Variants in LRGUK observed in about 807,000 individuals in gnomAD.
LRGUK encodes leucine rich repeats and guanylate kinase domain containing.
A neutral mutation model predicts 76.0 loss-of-function variants in LRGUK; 65 were observed. The ratio of observed to expected loss-of-function variants is 0.85; its 90% CI spans 0.70 to 1.05. The LOEUF (loss-of-function observed/expected upper bound fraction) is 1.05, where lower values mean the gene tolerates loss of function less well. Among genes scored for constraint, LRGUK ranks in the 50% least tolerant of loss-of-function variants. The pLI is 0.00. For missense variants in LRGUK, 758 were observed against 732.8 expected, an observed-to-expected ratio of 1.03 and a Z score of -0.40; for synonymous variants, 268 against 265.6, an observed-to-expected ratio of 1.01 and a Z score of -0.09.
intron 16 of LRGUK, among the ~76,000 whole-genome samples, chr7:134,230,040 A>T (rs1014415277): frequency 6.6e-6 from 1 of 152,194 alleles, no homozygotes; most frequent in African/African-American, 2.4e-5. Context: ...ATATTACAGT[A>T]CATTAAAACT....
At chr7:134,210,052 C>T (rs1362802282) in exon 16 of LRGUK, 3 of 399,600 alleles carry the variant, frequency 7.5e-6, no homozygotes, top group Admixed American at 4.4e-5. Context: ...CACCCCACAA[C>T]CAGGGGCCAC....
At chr7:134,259,155 C>T (rs1431920465) in intron 19 of LRGUK, among the ~76,000 whole-genome samples, 1 of 152,156 alleles carries the variant, frequency 6.6e-6, no homozygotes, top group Non-Finnish European at 1.5e-5. Flanking sequence ...CCCGCTTCAC[C>T]TCCTTTTTGC....
chr7:134,224,651 G>C (rs1801688831), intron 16 of LRGUK, among the ~76,000 whole-genome samples: 1 of 151,860 alleles, frequency 6.6e-6, no homozygotes, highest in Non-Finnish European at 1.5e-5. Flanking sequence ...CATGACACAA[G>C]TTCACCTAAC....
chr7:134,264,237 A>G, exon 20 of LRGUK: 1 of 325,944 alleles, frequency 3.1e-6, no homozygotes, highest in South Asian at 1.5e-4. Context: ...AGCTTTTAAA[A>G]ATGTCATTTC....
In LRGUK at chr7:134,201,549, C is replaced by G. The variant is rs763123696; in HGVS notation, c.1816C>G (p.Pro606Ala). 1.9e-6 allele frequency: 3 copies of G among 1,613,784 alleles called. No homozygotes were observed. In the South Asian group the frequency reaches 3.3e-5, roughly 18 times the overall value. The stretch of plus-strand genomic sequence containing the variant: ...AGAATACCTTGGATTGACTGAGGAA[C>G]CTGCCAAGAGTTTGGCTACAACTGC... The change falls in exon 15 of 16, where the codon CCT (proline) becomes GCT (alanine). Residue 606 changes from proline (P) to alanine (A), a missense_variant. Transcript: ENST00000645682.
intron 4 of LRGUK, among the ~76,000 whole-genome samples, chr7:134,146,826 T>C (rs1797989175): frequency 6.6e-6 from 1 of 152,194 alleles, no homozygotes; most frequent in Admixed American, 6.5e-5. Context: ...TTAAAGGGCA[T>C]GGAAAAATTA....
chr7:134,144,630 A>G (rs1585429499), intron 4 of LRGUK, among the ~76,000 whole-genome samples: 1 of 152,352 alleles, frequency 6.6e-6, no homozygotes, highest in South Asian at 2.1e-4. Context: ...AAATTAACTT[A>G]AATCCAAAAT....
At chr7:134,177,526 TA>T (rs1363082338) in intron 9 of LRGUK, among the ~76,000 whole-genome samples, 1 of 151,954 alleles carries the variant, frequency 6.6e-6, no homozygotes, top group African/African-American at 2.4e-5. Context: ...TTCTGCTCTT[TA>T]AAAAAATGAT....
downstream of LRGUK, among the ~76,000 whole-genome samples, chr7:134,269,352 T>TC (rs1802918806): frequency 6.9e-6 from 1 of 145,264 alleles, no homozygotes; most frequent in South Asian, 2.2e-4. Context: ...TTTCAATTCT[T>TC]TTTTTTTTTT....
chr7:134,131,461 G>T (rs1247380457), intron 1 of LRGUK, among the ~76,000 whole-genome samples: 1 of 152,222 alleles, frequency 6.6e-6, no homozygotes, highest in Non-Finnish European at 1.5e-5. Context: ...CAGGGACATG[G>T]AAGACTTCAG....
rs1585611307 is a variant in LRGUK, at chr7:134,260,881, G to C, written c.2347+2476G>C. On this transcript the variant is annotated intron_variant, in intron 19 of 19. Transcript: ENST00000285928. ...AAATGGGTTAGAACATTGCAAATTAGATCTGCCCTACTCTCTCTGGTTTAT... is the reference window on the plus strand; with the variant it reads ...AAATGGGTTAGAACATTGCAAATTACATCTGCCCTACTCTCTCTGGTTTAT... Among the ~76,000 whole-genome samples the C allele has an allele frequency of 2.6e-5, 4 of 152,264 alleles. No individual in the cohort carries two copies. The South Asian group carries it at 8.3e-4, about 32-fold the overall frequency.
intron 15 of LRGUK, among the ~76,000 whole-genome samples, chr7:134,216,591 C>G (rs1297275306): frequency 6.6e-6 from 1 of 152,076 alleles, no homozygotes; most frequent in East Asian, 1.9e-4. Flanking sequence ...TAAATGCTAT[C>G]TGTTATTTTT....
chr7:134,263,670 C>T (rs573794613), intron 19 of LRGUK, among the ~76,000 whole-genome samples, 175 bp from the exon 20 acceptor site: 2 of 147,104 alleles, frequency 1.4e-5, no homozygotes, highest in Admixed American at 1.4e-4. Flanking sequence ...CTCACTTGGC[C>T]TCCCAAAGTA....
chr7:134,171,875 G>A (rs957423418), intron 7 of LRGUK, among the ~76,000 whole-genome samples: 121 of 152,280 alleles, frequency 7.9e-4, no homozygotes, highest in African/African-American at 2.9e-3. Flanking sequence ...GGTAGGTTGT[G>A]CAGGAGAGGG....
chr7:134,263,266 T>C (rs1298299341), intron 19 of LRGUK, among the ~76,000 whole-genome samples: 1 of 140,494 alleles, frequency 7.1e-6, no homozygotes, highest in African/African-American at 2.4e-5. Context: ...GCCTCTACCT[T>C]TCCTCTCTAT....
At chr7:134,181,363 T>C (rs1799738338) in intron 10 of LRGUK, among the ~76,000 whole-genome samples, 1 of 152,166 alleles carries the variant, frequency 6.6e-6, no homozygotes, top group Non-Finnish European at 1.5e-5. Context: ...CTGATGATAA[T>C]TTAATTTTCT....
At chr7:134,140,680 T>C (rs1354232023) in intron 3 of LRGUK, among the ~76,000 whole-genome samples, 1 of 148,684 alleles carries the variant, frequency 6.7e-6, no homozygotes, top group Non-Finnish European at 1.5e-5. Flanking sequence ...TGTTTGATTC[T>C]GGGGTTTTTT....
chr7:134,162,713 G>A (rs1358003445), intron 6 of LRGUK, among the ~76,000 whole-genome samples: 2 of 151,812 alleles, frequency 1.3e-5, no homozygotes, highest in Non-Finnish European at 2.9e-5. Context: ...TGTAGTCCCA[G>A]GTACTTGGGA....
At chr7:134,215,246 T>G (rs987992279), downstream of LRGUK, among the ~76,000 whole-genome samples, 9 of 152,306 alleles carry the variant, frequency 5.9e-5, no homozygotes, top group African/African-American at 1.9e-4. Context: ...TAAAACACCT[T>G]TACTATGGTG....
Sources: gnomAD v4.1 joint callset for allele counts (sites outside exome capture counted in the v4.1 genomes callset) on GRCh38, gnomAD v4.1.1 for gene constraint, MANE v1.5 for transcripts, NCBI Gene and HGNC (gene_info 2026-07-23, HGNC 2026-07-21) for gene names.